SLC26A4: variants seen among roughly 807,000 people sequenced by gnomAD.
SLC26A4 encodes pendrin.
A neutral mutation model predicts 90.4 loss-of-function variants in SLC26A4; 93 were observed. The observed-to-expected ratio is 1.03, with a 90% CI of 0.87 to 1.22. SLC26A4 has a LOEUF of 1.22. Ranked by LOEUF, SLC26A4 falls within the 50% of genes most tolerant of loss-of-function variation. The pLI is 0.00. For synonymous variants in SLC26A4, 393 were observed against 354.6 expected, an observed-to-expected ratio of 1.11 and a Z score of -1.22; for missense variants, 1,127 against 946.2, an observed-to-expected ratio of 1.19 and a Z score of -2.51.
Position 107,701,127 on chromosome 7 carries a change from T to C in SLC26A4, c.1734T>C (p.Tyr578=). ...STVGFDAIRV[Y]NKRLKALRKI... is the part of the protein sequence containing the mutation. ...TTGGATTTGATGCCATTAGAGTATA[T>C]AATAAGAGGCTGAAAGCGCTGAGGA... Residue 578 remains tyrosine, a synonymous_variant, in exon 16 of 21, where the codon TAT becomes TAC. Coordinates refer to ENST00000644269, the MANE Select transcript of SLC26A4 (RefSeq NM_000441.2). 6.2e-7 allele frequency: 1 copy of C among 1,609,778 alleles called. No homozygotes were observed. Among genetic ancestry groups the C allele is most frequent in the Non-Finnish European group, 8.5e-7 (1 of 1,176,150 alleles).
chr7:107,694,600 C>CT, intron 11 of SLC26A4, 21 bp from the exon 12 acceptor site: 9 of 1,588,844 alleles, frequency 5.7e-6, no homozygotes, highest in Non-Finnish European at 6.9e-6. Flanking sequence ...ATAACACAGC[C>CT]TTCTCTGTCT....
intron 4 of SLC26A4, 152 bp downstream of exon 4, chr7:107,672,400 C>T (rs1040690647): frequency 9.2e-6 from 2 of 217,874 alleles, no homozygotes; most frequent in African/African-American, 2.4e-5. Flanking sequence ...TACTTTTGCA[C>T]CAACCTAATA....
chr7:107,687,314 CA>C (rs1238102540), intron 8 of SLC26A4, among the ~76,000 whole-genome samples: 10 of 152,184 alleles, frequency 6.6e-5, no homozygotes, highest in Admixed American at 3.3e-4. Flanking sequence ...GGCTTACTTA[CA>C]GGTCATTAGA....
At chr7:107,677,484 G>T (rs1270716901) in intron 6 of SLC26A4, among the ~76,000 whole-genome samples, 1 of 152,016 alleles carries the variant, frequency 6.6e-6, no homozygotes, top group Admixed American at 6.6e-5. Context: ...CATGAAGCTC[G>T]CCGTTCATTT....
In SLC26A4 at chr7:107,675,089, G is replaced by T; in HGVS notation, c.745G>T (p.Gly249Ter). The T allele has an allele frequency of 6.2e-7, 1 of 1,613,730 alleles. No homozygotes were observed. The highest frequency in any genetic ancestry group is 8.5e-7 in the Non-Finnish European group (1 of 1,179,870). Reference sequence around the variant, plus strand: ...CAATGTTTCAACCAAAAACTACAATGGAGTTCTCTCTATTATCTATGTAAG... The same window carrying T: ...CAATGTTTCAACCAAAAACTACAATTGAGTTCTCTCTATTATCTATGTAAG... ...VLNVSTKNYN[G>*]VLSIIYTLVE... Residue 249 changes from glycine (G) to a stop codon, truncating the protein, a stop_gained, in exon 6 of 21, where the codon GGA becomes TGA. Transcript: ENST00000644269. LOFTEE classifies it high-confidence loss of function.
At chr7:107,663,502 T>C (rs948292793) in intron 3 of SLC26A4, 67 bp downstream of exon 3, 4 of 1,567,212 alleles carry the variant, frequency 2.6e-6, no homozygotes, top group East Asian at 2.2e-5. Context: ...CCAGCTACCA[T>C]AGGTCTGTGA....
In SLC26A4 at chr7:107,703,164, T is replaced by C. The variant is rs116777258; in HGVS notation, c.2034+1107T>C. ...AGGAGAAGGCAAACATTAAGTCATCTTATAAATAACAATTGTAGTAAGTGC... is the reference window on the plus strand; with the variant it reads ...AGGAGAAGGCAAACATTAAGTCATCCTATAAATAACAATTGTAGTAAGTGC... On this transcript the variant is annotated intron_variant, in intron 17 of 20. Coordinates refer to ENST00000644269, the MANE Select transcript of SLC26A4 (RefSeq NM_000441.2). Among the ~76,000 whole-genome samples the C allele has an allele frequency of 5.5e-3, 844 of 152,338 alleles. 3 individuals are homozygous for C. The highest frequency in any genetic ancestry group is 0.019 in the African/African-American group (807 of 41,580).
rs1181270070 is a variant in SLC26A4 at position 107,710,270 on chromosome 7, C to T, written c.2235+71C>T. ...TGATTTCTATAAATGGCAAACATTA[C>T]ACAAGTCTAGTCTAGCTGTTGAATT... On this transcript the variant is annotated intron_variant, in intron 19 of 20. Coordinates refer to ENST00000644269, the MANE Select transcript of SLC26A4 (RefSeq NM_000441.2). 2.6e-6 allele frequency: 3 copies of T among 1,138,840 alleles called. No homozygotes were observed. In the Admixed American group the frequency reaches 5.2e-5, roughly 20 times the overall value. 70.5% of individuals were successfully genotyped at this position (1,138,840 alleles called of 1,614,324 possible).
intron 19 of SLC26A4, among the ~76,000 whole-genome samples, chr7:107,711,483 G>A (rs1347662749): frequency 6.6e-6 from 1 of 152,128 alleles, no homozygotes; most frequent in Non-Finnish European, 1.5e-5. Flanking sequence ...TATTGTGAGT[G>A]GCTGGGATGG....
intron 10 of SLC26A4, chr7:107,692,094 A>G (rs1257991699): frequency 9.3e-6 from 12 of 1,288,724 alleles, no homozygotes; most frequent in Non-Finnish European, 1.2e-5. Flanking sequence ...ATGCCCATGT[A>G]AAGTGACCTC....
intron 8 of SLC26A4, among the ~76,000 whole-genome samples, chr7:107,683,824 C>T (rs1584318357): frequency 1.3e-5 from 2 of 152,252 alleles, no homozygotes; most frequent in East Asian, 3.9e-4. Flanking sequence ...TTATACATAA[C>T]ATTATAATAT....
chr7:107,685,067 G>C (rs1791358244), intron 8 of SLC26A4, among the ~76,000 whole-genome samples: 2 of 152,108 alleles, frequency 1.3e-5, no homozygotes, highest in Non-Finnish European at 1.5e-5. Flanking sequence ...TCCTTTGACA[G>C]ACCACCTGGT....
rs1375136757 is a variant in SLC26A4, at chr7:107,680,259, AATCTT to A, written c.766-2935_766-2931del. On this transcript the variant is annotated intron_variant, in intron 6 of 20. Coordinates refer to ENST00000644269, the MANE Select transcript of SLC26A4 (RefSeq NM_000441.2). ...ATTATATAATATAATCTTATTATAT[AATCTT>A]ATCTTATTATATAATATAATCTTAT... Among the ~76,000 whole-genome samples the A allele has an allele frequency of 5.7e-5, 7 of 122,352 alleles. No individual in the cohort carries two copies. In the South Asian group the frequency reaches 1.7e-3, roughly 29 times the overall value. The allele number at this position is 122,352 out of a possible 152,430, so 80.3% of individuals were successfully genotyped here. A position where few individuals can be genotyped will look rare whatever the true frequency, so the allele number is the denominator to read the frequency against.
At chr7:107,663,576 AC>A in intron 3 of SLC26A4, 141 bp downstream of exon 3, 5 of 897,498 alleles carry the variant, frequency 5.6e-6, no homozygotes, top group Non-Finnish European at 7.3e-6. Context: ...GGAGAGAGTC[AC>A]CTCTCTTCTC....
intron 6 of SLC26A4, among the ~76,000 whole-genome samples, chr7:107,680,320 T>A (rs1193727804): frequency 4.3e-5 from 6 of 139,406 alleles, no homozygotes; most frequent in Non-Finnish European, 9.1e-5. Flanking sequence ...TATATTATTA[T>A]ATAATCTTAT....
chr7:107,701,942 G>A lies in SLC26A4; in HGVS notation c.1919G>A (p.Trp640Ter), dbSNP rs786204502. ...AAGGAAATAGAGATTCAAGTGGATTGGAACTCTGAGCTTCCAGTCAAAGTG... is the reference window on the plus strand; with the variant it reads ...AAGGAAATAGAGATTCAAGTGGATTAGAACTCTGAGCTTCCAGTCAAAGTG... Reference protein sequence around the residue: ...PTKEIEIQVDWNSELPVKVNV... With the variant: ...PTKEIEIQVD Residue 640 changes from tryptophan to a stop codon, truncating the protein, a stop_gained, in exon 17 of 21, where the codon TGG becomes TAG. Transcript: ENST00000644269. LOFTEE classifies it high-confidence loss of function. 6.2e-7 allele frequency: 1 copy of A among 1,613,254 alleles called. No homozygotes were observed. Among genetic ancestry groups the A allele is most frequent in the South Asian group, 1.1e-5 (1 of 91,066 alleles).
At chr7:107,663,184 C>T in intron 2 of SLC26A4, 112 bp from the exon 3 acceptor site, 1 of 1,227,830 alleles carries the variant, frequency 8.1e-7, no homozygotes, top group Non-Finnish European at 1.2e-6. Flanking sequence ...AATACTTATC[C>T]TTTTTCCAAA....
At chr7:107,708,794 A>G (rs1323679702) in intron 18 of SLC26A4, among the ~76,000 whole-genome samples, 1 of 120,198 alleles carries the variant, frequency 8.3e-6, no homozygotes, top group Non-Finnish European at 1.6e-5. Flanking sequence ...ATGTATGGAA[A>G]TGTGTATCTT....
In SLC26A4 at chr7:107,700,142, T is replaced by C. The variant is rs1353609545; in HGVS notation, c.1674T>C (p.Asn558=). 1.3e-6 allele frequency: 2 copies of C among 1,590,870 alleles called. No individual in the cohort carries two copies. Among genetic ancestry groups the C allele is most frequent in the African/African-American group, 1.3e-5 (1 of 74,412 alleles). ...TTTCCAGTCCTATTTTCTATGGCAA[T>C]GTCGATGGTTTTAAAAAATGTATCA... ...LRFSSPIFYG[N]VDGFKKCIKS... The change falls in exon 15 of 21, where the codon AAT becomes AAC. Residue 558 remains asparagine (N), a synonymous_variant. Coordinates refer to ENST00000644269, the MANE Select transcript of SLC26A4 (RefSeq NM_000441.2).
Sources: allele counts gnomAD v4.1 joint callset (sites outside exome capture counted in the v4.1 genomes callset), GRCh38; gene constraint gnomAD v4.1.1; transcripts MANE v1.5; gene names NCBI Gene and HGNC (gene_info 2026-07-23, HGNC 2026-07-21).